TBC1D5: variants seen among roughly 807,000 people sequenced by gnomAD.
The protein encoded by TBC1D5 is TBC1 domain family, member 5.
A neutral mutation model predicts 100.3 loss-of-function variants in TBC1D5; 75 were observed. The ratio of observed to expected loss-of-function variants is 0.75; its 90% confidence interval spans 0.62 to 0.91. The LOEUF is 0.91. Among genes scored for constraint, TBC1D5 ranks in the 40% least tolerant of loss-of-function variants. TBC1D5 has a pLI of 0.00. For missense variants in TBC1D5, 910 were observed against 942.4 expected (o/e 0.97, Z 0.45); for synonymous variants, 323 against 325.6 (o/e 0.99, Z 0.09).
At chr3:17,271,316 T>A (rs117112325) in intron 15 of TBC1D5, among the ~76,000 whole-genome samples, 2 of 152,148 alleles carry the variant, frequency 1.3e-5, no homozygotes, top group Admixed American at 1.3e-4. Flanking sequence ...GTTCTCCTTG[T>A]AGAGACCTTT....
chr3:17,502,134 C>T (rs1371000573), intron 3 of TBC1D5, among the ~76,000 whole-genome samples: 1 of 149,656 alleles, frequency 6.7e-6, no homozygotes, highest in Admixed American at 6.6e-5. Flanking sequence ...ACTTCCAAGA[C>T]CGCAGAACTC....
chr3:17,451,353 C>T (rs1008821724), intron 3 of TBC1D5, among the ~76,000 whole-genome samples: 3 of 152,102 alleles, frequency 2.0e-5, no homozygotes, highest in Non-Finnish European at 4.4e-5. Context: ...TATGAACAGA[C>T]ACTTCACAAA....
intron 3 of TBC1D5, among the ~76,000 whole-genome samples, chr3:17,506,299 A>C (rs1424829707): frequency 6.6e-6 from 1 of 152,232 alleles, no homozygotes; most frequent in African/African-American, 2.4e-5. Flanking sequence ...TAAAATATTT[A>C]CCTATACAAT....
At chr3:17,191,852 G>T (rs1183991777) in intron 18 of TBC1D5, among the ~76,000 whole-genome samples, 1 of 151,834 alleles carries the variant, frequency 6.6e-6, no homozygotes, top group Admixed American at 6.6e-5. Flanking sequence ...ACAAACTCCT[G>T]CCCTCAAGTG....
chr3:17,344,751 G>A (rs2089603883), intron 13 of TBC1D5, among the ~76,000 whole-genome samples: 1 of 152,118 alleles, frequency 6.6e-6, no homozygotes, highest in Non-Finnish European at 1.5e-5. Flanking sequence ...AGAGCCCTCA[G>A]AAATAACGCC....
In TBC1D5 at chr3:17,259,347, C is replaced by G. The variant is rs563498706; in HGVS notation, c.1246-756G>C. Among the ~76,000 whole-genome samples, 249 of 152,206 alleles carry G rather than the reference C, an allele frequency of 1.6e-3. 2 individuals are homozygous for G. The highest frequency in any genetic ancestry group is 5.8e-3 in the African/African-American group (240 of 41,532). On this transcript the variant is annotated intron_variant, in intron 15 of 21. Transcript: ENST00000253692. ...ATGTGTTGCTATTATTTAAACATAT[C>G]TATTATTTAAATGTTCAAATCCCTC...
At chr3:17,541,538 T>C (rs2096357292) in intron 2 of TBC1D5, among the ~76,000 whole-genome samples, 1 of 152,244 alleles carries the variant, frequency 6.6e-6, no homozygotes, top group Non-Finnish European at 1.5e-5. Context: ...TGTGTTGGCA[T>C]TGTATTCTGC....
intron 3 of TBC1D5, among the ~76,000 whole-genome samples, chr3:17,434,095 T>G (rs1019561603): frequency 1.3e-5 from 2 of 152,204 alleles, no homozygotes; most frequent in Non-Finnish European, 2.9e-5. Flanking sequence ...CAGCTGGCGT[T>G]GAGTGTCTGC....
At chr3:17,564,729 AGCATAGACAAATG>A (rs2096583048) in intron 2 of TBC1D5, among the ~76,000 whole-genome samples, 1 of 152,196 alleles carries the variant, frequency 6.6e-6, no homozygotes, top group African/African-American at 2.4e-5. Context: ...TTAAGTAGTC[AGCATAGACAAATG>A]GCTATCTTTT....
At chr3:17,309,126 TA>T (rs1247588644) in intron 13 of TBC1D5, among the ~76,000 whole-genome samples, 1 of 152,000 alleles carries the variant, frequency 6.6e-6, no homozygotes, top group African/African-American at 2.4e-5. Context: ...AAAAATTAGT[TA>T]AGAGATGTTA....
chr3:17,401,385 GTAT>G (rs2093647779), intron 8 of TBC1D5, among the ~76,000 whole-genome samples: 1 of 147,604 alleles, frequency 6.8e-6, no homozygotes, highest in Non-Finnish European at 1.5e-5. Context: ...ATATGTATAT[GTAT>G]ATGTATATGT....
At chr3:17,567,340 T>C (rs751160651) in intron 2 of TBC1D5, among the ~76,000 whole-genome samples, 32 of 151,732 alleles carry the variant, frequency 2.1e-4, no homozygotes, top group Non-Finnish European at 7.4e-5. Context: ...ATAAATCATG[T>C]GGAATCTTAT....
At chr3:17,557,424 T>C (rs1385167757) in intron 2 of TBC1D5, among the ~76,000 whole-genome samples, 1 of 152,240 alleles carries the variant, frequency 6.6e-6, no homozygotes, top group Non-Finnish European at 1.5e-5. Context: ...CAAATAAAAA[T>C]ATAAAGTTTA....
chr3:17,677,198 C>CATCAGAG (rs1408635778), intron 1 of TBC1D5, among the ~76,000 whole-genome samples: 13 of 152,198 alleles, frequency 8.5e-5, no homozygotes, highest in Non-Finnish European at 1.6e-4. Context: ...AAGAAACTAC[C>CATCAGAG]ATCAGAGTGA....
At chr3:17,238,342 G>A in exon 17 of TBC1D5, 1 of 1,613,922 alleles carries the variant, frequency 6.2e-7, no homozygotes. Flanking sequence ...CATTGCTGGG[G>A]AAATCAACTT....
chr3:17,734,636 A>C (rs1351018990), intron 1 of TBC1D5, among the ~76,000 whole-genome samples: 1 of 152,244 alleles, frequency 6.6e-6, no homozygotes, highest in African/African-American at 2.4e-5. Flanking sequence ...AGAAGGCAAG[A>C]GAAGGGAAGT....
chr3:17,677,876 C>T (rs2068856343), intron 1 of TBC1D5, among the ~76,000 whole-genome samples: 2 of 152,130 alleles, frequency 1.3e-5, no homozygotes, highest in East Asian at 1.9e-4. Flanking sequence ...AACCATCATT[C>T]TCAGCAAACT....
chr3:17,428,338 A>AT, intron 4 of TBC1D5, 112 bp downstream of exon 4: 1 of 302,346 alleles, frequency 3.3e-6, no homozygotes, highest in East Asian at 8.9e-5. Flanking sequence ...GTTCCTTACT[A>AT]TTCTAGATCA....
At chr3:17,389,129 C>T (rs555568807) in intron 8 of TBC1D5, among the ~76,000 whole-genome samples, 82 of 151,956 alleles carry the variant, frequency 5.4e-4, no homozygotes, top group African/African-American at 1.8e-3. Context: ...TTAAAGAAAC[C>T]AGATTTTTTA....
Sources: gnomAD v4.1 joint callset for allele counts (sites outside exome capture counted in the v4.1 genomes callset) on GRCh38, gnomAD v4.1.1 for gene constraint, MANE v1.5 for transcripts, NCBI Gene and HGNC (gene_info 2026-07-23, HGNC 2026-07-21) for gene names.